Variants in ATP6AP2 observed in about 807,000 individuals in gnomAD.
ATP6AP2 encodes ATPase H+ transporting accessory protein 2.
Under a neutral mutation model 23.4 loss-of-function variants are expected in ATP6AP2, and 1 was observed. That is an observed-to-expected ratio of 0.04 (90% CI 0.02 to 0.20). ATP6AP2 has a LOEUF of 0.20. Ranked by LOEUF, ATP6AP2 falls within the 10% of genes least tolerant of loss-of-function variation. The pLI, the probability that ATP6AP2 is intolerant of heterozygous loss-of-function variation, is 1.00. For synonymous variants in ATP6AP2, 90 were observed against 97.1 expected, an observed-to-expected ratio of 0.93 and a Z score of 0.43; for missense variants, 174 against 271.3, an observed-to-expected ratio of 0.64 and a Z score of 2.52.
At chrX:40,604,070 T>C (rs1927008963) in intron 8 of ATP6AP2, among the ~76,000 whole-genome samples, 1 of 111,862 alleles carries the variant, frequency 8.9e-6, no homozygotes, top group Non-Finnish European at 1.9e-5. Flanking sequence ...CTTTTAAAAT[T>C]CTCTAGCCAG....
intron 3 of ATP6AP2, among the ~76,000 whole-genome samples, chrX:40,595,605 C>T (rs986940318): frequency 1.8e-5 from 2 of 111,894 alleles, no homozygotes; most frequent in Non-Finnish European, 3.8e-5. Context: ...CTGAACCGAG[C>T]GCCATTTCAC....
chrX:40,593,984 A>G (rs369620692), intron 3 of ATP6AP2, among the ~76,000 whole-genome samples: 6 of 112,056 alleles, frequency 5.4e-5, no homozygotes, highest in African/African-American at 1.9e-4. Context: ...TTGCTGGATC[A>G]TGCTTTAGTG....
At chrX:40,581,166 G>A in intron 1 of ATP6AP2, 64 bp downstream of exon 1, 1 of 1,030,457 alleles carries the variant, frequency 9.7e-7, no homozygotes, top group Non-Finnish European at 1.2e-6. Flanking sequence ...CTTGGGGGTC[G>A]GGGGCGGCCG....
intron 8 of ATP6AP2, chrX:40,605,085 C>A: frequency 8.1e-6 from 1 of 123,107 alleles, no homozygotes; most frequent in South Asian, 2.7e-4. Flanking sequence ...AGGCACCTGC[C>A]ACGCCTGGCT....
At chrX:40,591,032 T>G in intron 2 of ATP6AP2, 2 of 439,264 alleles carry the variant, frequency 4.6e-6, no homozygotes, top group Non-Finnish European at 7.5e-6. Flanking sequence ...TCTGTAAAAT[T>G]TTAAGAAAAT....
intron 2 of ATP6AP2, chrX:40,590,654 C>A (rs909986150): frequency 1.5e-4 from 17 of 114,616 alleles, no homozygotes; most frequent in African/African-American, 5.5e-4. Flanking sequence ...GCTGAGATGA[C>A]AGGCGTGAAC....
rs1173775262 is a variant in ATP6AP2, at chrX:40,597,574, A to G, written c.444A>G (p.Ser148=). Residue 148 remains serine (S), a synonymous_variant, in exon 5 of 9, where the codon TCA becomes TCG. Transcript: ENST00000636580. ...GKANSVFEDL[S]VTLRQLRNRL... ...CAAACTCAGTGTTTGAAGACCTTTC[A>G]GTCACCTTGCGCCAGCTCCGTAATC... 5.0e-6 allele frequency: 6 copies of G among 1,208,853 alleles called. No homozygotes were observed. Among genetic ancestry groups the G allele is most frequent in the Non-Finnish European group, 5.6e-6 (5 of 893,863 alleles).
At chrX:40,582,773 A>G (rs758382048) in intron 1 of ATP6AP2, among the ~76,000 whole-genome samples, 2 of 112,226 alleles carry the variant, frequency 1.8e-5, no homozygotes, top group African/African-American at 3.2e-5. Context: ...CCATGTTTTA[A>G]TATTTTGACT....
chrX:40,581,551 T>C (rs143930553), intron 1 of ATP6AP2, among the ~76,000 whole-genome samples: 2,569 of 112,909 alleles, frequency 0.023, 39 homozygotes, highest in African/African-American at 0.063. Flanking sequence ...CAGTAATTGC[T>C]GAAATCCCTG....
intron 5 of ATP6AP2, chrX:40,598,413 A>C (rs1926826578): frequency 2.7e-6 from 1 of 371,434 alleles, no homozygotes; most frequent in Non-Finnish European, 4.7e-6. Flanking sequence ...AAACCACTGG[A>C]GAACTTGGAT....
At position 40,600,843 on chromosome X, in the gene ATP6AP2, A is replaced by G. The variant is rs1487049170; in HGVS notation, c.820A>G (p.Ile274Val). Residue 274 changes from isoleucine (I) to valine (V), a missense_variant, in exon 8 of 9, where the codon ATT becomes GTT. Coordinates refer to ENST00000636580, the MANE Select transcript of ATP6AP2 (RefSeq NM_005765.3). The part of the protein sequence containing the change: ...VTVKSFDTSL[I>V]RKTRTILEAK... ...TGTCAAGTCATTTGACACCTCCCTC[A>G]TTAGGAAGACAAGGACTATCCTTGA... 2.5e-6 allele frequency: 3 copies of G among 1,206,352 alleles called. No homozygotes were observed. Among genetic ancestry groups the G allele is most frequent in the Non-Finnish European group, 3.4e-6 (3 of 893,132 alleles).
chrX:40,593,671 T>C (rs1249909008), intron 3 of ATP6AP2, among the ~76,000 whole-genome samples: 1 of 109,907 alleles, frequency 9.1e-6, no homozygotes, highest in Middle Eastern at 4.2e-3. Context: ...CACGCCCAGC[T>C]AATTTTTTGT....
intron 2 of ATP6AP2, chrX:40,591,013 T>C: frequency 2.5e-6 from 1 of 400,225 alleles, no homozygotes; most frequent in Non-Finnish European, 4.2e-6. Flanking sequence ...TATTGGACTT[T>C]ATTTCAAATC....
rs937480047 is a variant in ATP6AP2 at position 40,604,279 on chromosome X, G to T, written c.859-1282G>T. Among the ~76,000 whole-genome samples the T allele has an allele frequency of 2.7e-5, 3 of 111,590 alleles. No homozygotes were observed. In the Admixed American group the frequency reaches 2.8e-4, roughly 11 times the overall value. Reference sequence around the variant, plus strand: ...CTCCGTTTTCATATGGCTATAAAGAGCTACCTGACACTGGGTAATTTATAA... The same window carrying T: ...CTCCGTTTTCATATGGCTATAAAGATCTACCTGACACTGGGTAATTTATAA... On this transcript the variant is annotated intron_variant, in intron 8 of 8. Transcript: ENST00000636580.
chrX:40,595,082 A>G (rs921360593), intron 3 of ATP6AP2, among the ~76,000 whole-genome samples: 5 of 112,039 alleles, frequency 4.5e-5, no homozygotes, highest in African/African-American at 1.6e-4. Context: ...ATTGCAGAAG[A>G]TTTTCTTTAA....
At chrX:40,598,650 A>G (rs754945247) in intron 5 of ATP6AP2, 31 bp from the exon 6 acceptor site, 2 of 1,197,477 alleles carry the variant, frequency 1.7e-6, no homozygotes, top group South Asian at 1.8e-5. Flanking sequence ...CACATTTAAA[A>G]GAATGCTCTT....
In ATP6AP2 at chrX:40,595,662, C is replaced by CAT. The variant is rs1569260426; in HGVS notation, c.301-1587_301-1586insAT. On this transcript the variant is annotated intron_variant, in intron 3 of 8. Transcript: ENST00000636580. The stretch of plus-strand genomic sequence containing the variant: ...GTTTGCATCATTTGCTCATGTATTC[C>CAT]CCTCACAGCCTGAGGAGGTAAACTC... 3.6e-5 allele frequency among the ~76,000 whole-genome samples: 4 copies of CAT among 111,410 alleles called. No individual in the cohort carries two copies. In the Admixed American group the frequency reaches 3.8e-4, roughly 11 times the overall value.
In ATP6AP2 at chrX:40,606,099, A is replaced by T. The variant is rs1927064080; in HGVS notation, c.*344A>T. The T allele has an allele frequency of 4.8e-6, 1 of 207,718 alleles. No individual in the cohort carries two copies. The highest frequency in any genetic ancestry group is 2.9e-5 in the African/African-American group (1 of 34,250). The allele number at this position is 207,718 out of a possible 1,213,427, so 17.1% of individuals were successfully genotyped here. ...TGGAAAAAAGTGCACTGAATTTATTAGACAAACTTACGAATGCTTAACTTC... is the reference window on the plus strand; with the variant it reads ...TGGAAAAAAGTGCACTGAATTTATTTGACAAACTTACGAATGCTTAACTTC... On this transcript the variant is annotated 3_prime_UTR_variant, in exon 9 of 9. Coordinates refer to ENST00000636580, the MANE Select transcript of ATP6AP2 (RefSeq NM_005765.3).
chrX:40,602,549 C>T (rs1156613486), intron 8 of ATP6AP2, among the ~76,000 whole-genome samples: 5 of 107,100 alleles, frequency 4.7e-5, no homozygotes, highest in Non-Finnish European at 7.7e-5. Context: ...ACTTAGGAGT[C>T]TGAGGCAGAC....
Sources: allele counts gnomAD v4.1 joint callset (sites outside exome capture counted in the v4.1 genomes callset), GRCh38; gene constraint gnomAD v4.1.1; transcripts MANE v1.5; gene names NCBI Gene and HGNC (gene_info 2026-07-23, HGNC 2026-07-21).